Variants in ZNF839 observed in about 807,000 individuals in gnomAD.
ZNF839 encodes the protein zinc finger protein 839.
ZNF839 carries 38 observed loss-of-function variants against 56.4 expected under a neutral mutation model. The ratio of observed to expected loss-of-function variants is 0.67; its 90% confidence interval spans 0.52 to 0.88. The LOEUF (loss-of-function observed/expected upper bound fraction) is 0.88, where lower values mean the gene tolerates loss of function less well. Ranked by LOEUF, ZNF839 falls within the 40% of genes least tolerant of loss-of-function variation. The pLI, the probability that ZNF839 is intolerant of heterozygous loss-of-function variation, is 0.00. For synonymous variants in ZNF839, 486 were observed against 493.5 expected (o/e 0.98, Z 0.20); for missense variants, 1,091 against 1,177.6 (o/e 0.93, Z 1.08).
chr14:102,319,487 C>T (rs2073002031), upstream of ZNF839: 1 of 300,152 alleles, frequency 3.3e-6, no homozygotes, highest in Admixed American at 5.2e-5. The surrounding 1 kb of genome is among the most constrained non-coding windows in gnomAD (Gnocchi z 4.5). Context: ...GAAGACCTCC[C>T]CCTGGGAGAT....
chr14:102,333,311 C>T (rs547579971), intron 3 of ZNF839, among the ~76,000 whole-genome samples: 17 of 146,964 alleles, frequency 1.2e-4, no homozygotes, highest in African/African-American at 4.1e-4. Flanking sequence ...CACCCAGGAG[C>T]GTAGTGGCTC....
At chr14:102,321,593 T>G in intron 1 of ZNF839, among the ~76,000 whole-genome samples, 1 of 152,236 alleles carries the variant, frequency 6.6e-6, no homozygotes, top group East Asian at 1.9e-4. Context: ...AGCTGTGTCA[T>G]GGAGGCCACA....
rs771823198 is a variant in ZNF839, at chr14:102,338,930, A to G, written c.1774A>G (p.Ser592Gly). Residue 592 changes from serine (S) to glycine (G), a missense_variant, in exon 6 of 8, where the codon AGC (serine) becomes GGC (glycine). This residue lies in a region of ZNF839 where 431 missense variants were observed against 468.0 expected (regional missense o/e 0.92). Coordinates refer to ENST00000442396, the MANE Select transcript of ZNF839 (RefSeq NM_018335.6). ...GGATGGGGAGCAGCTAGAGGGAGCT[A>G]GCAGCGAGAAGAGGGAACGTGAGGT... ...DMDGEQLEGASSEKREREAAE... is the reference protein window; with the variant it reads ...DMDGEQLEGAGSEKREREAAE... The G allele has an allele frequency of 6.8e-6, 11 of 1,614,020 alleles. No individual in the cohort carries two copies. Among genetic ancestry groups the G allele is most frequent in the Non-Finnish European group, 9.3e-6 (11 of 1,179,892 alleles).
In ZNF839 at chr14:102,338,890, C is replaced by T. The variant is rs1187248547; in HGVS notation, c.1734C>T (p.His578=). 7 of 1,613,966 alleles carry T rather than the reference C, an allele frequency of 4.3e-6. No homozygotes were observed. In the East Asian group the frequency reaches 1.6e-4, roughly 36 times the overall value. ...ACCCAGACAACCTTGGACCCAAGCA[C>T]CTCAGCCGAGACATGGATGGGGAGC... ...EIHPDNLGPK[H]LSRDMDGEQL... The change falls in exon 6 of 8, where the codon CAC becomes CAT. Residue 578 remains histidine, a synonymous_variant. Transcript: ENST00000442396.
Position 102,342,005 on chromosome 14 carries a change from G to A in ZNF839, c.2610G>A (p.Met870Ile). Residue 870 changes from methionine (M) to isoleucine (I), a missense_variant, in exon 8 of 8, where the codon ATG (methionine) becomes ATA (isoleucine). Coordinates refer to ENST00000442396, the MANE Select transcript of ZNF839 (RefSeq NM_018335.6). Reference sequence around the variant, plus strand: ...GCGTGGTTGCTGTCGGCGAAGCCATGGCTTTTGAAATTTCCAATGGGAGCC... The same window carrying A: ...GCGTGGTTGCTGTCGGCGAAGCCATAGCTTTTGAAATTTCCAATGGGAGCC... ...LESVVAVGEA[M>I]AFEISNGSHE... The A allele has an allele frequency of 1.2e-6, 2 of 1,614,008 alleles. No individual in the cohort carries two copies. Among genetic ancestry groups the A allele is most frequent in the Non-Finnish European group, 1.7e-6 (2 of 1,179,866 alleles).
intron 1 of ZNF839, among the ~76,000 whole-genome samples, chr14:102,322,935 C>T (rs557001586): frequency 2.0e-5 from 3 of 152,330 alleles, no homozygotes; most frequent in Non-Finnish European, 2.9e-5. Flanking sequence ...GCCCAGGAGT[C>T]GGGGACTCCC....
At chr14:102,319,570 G>C (rs895983445), upstream of ZNF839, 8 of 625,920 alleles carry the variant, frequency 1.3e-5, no homozygotes, top group Admixed American at 4.5e-5. This position sits in a 1 kb window ranked among gnomAD's most constrained non-coding sequence, Gnocchi z 4.5. Flanking sequence ...AGGGGGGTCC[G>C]CTCTGCTGAT....
intron 1 of ZNF839, among the ~76,000 whole-genome samples, chr14:102,322,877 C>T (rs1168685813): frequency 6.6e-6 from 1 of 152,210 alleles, no homozygotes; most frequent in Non-Finnish European, 1.5e-5. Context: ...AGATGGGGTT[C>T]TTGAAGGATA....
chr14:102,332,905 C>T lies in ZNF839; in HGVS notation c.1416+1059C>T, dbSNP rs534948892. On this transcript the variant is annotated intron_variant, in intron 3 of 7. Transcript: ENST00000442396. This position sits in a 1 kb window ranked among gnomAD's most constrained non-coding sequence, Gnocchi z 4.9. ...AGCCTGGGGGACAAGAACGAGACTT[C>T]GTCTCAAAAACAAAAACAAAAACAA... Among the ~76,000 whole-genome samples the T allele has an allele frequency of 6.6e-6, 1 of 152,066 alleles. No individual in the cohort carries two copies. Among genetic ancestry groups the T allele is most frequent in the Admixed American group, 6.5e-5 (1 of 15,272 alleles).
At chr14:102,330,492 C>T (rs924705458) in intron 2 of ZNF839, among the ~76,000 whole-genome samples, 4 of 150,944 alleles carry the variant, frequency 2.6e-5, no homozygotes, top group East Asian at 1.9e-4. Context: ...CCTCAGTCCC[C>T]GAAAGTGCTG....
chr14:102,332,442 A>G lies in ZNF839; in HGVS notation c.1416+596A>G, dbSNP rs192883747. On this transcript the variant is annotated intron_variant, in intron 3 of 7. Coordinates refer to ENST00000442396, the MANE Select transcript of ZNF839 (RefSeq NM_018335.6). The surrounding 1 kb of genome is among the most constrained non-coding windows in gnomAD (Gnocchi z 4.9). ...GCCACCATGCCCGGCCTTCAGAACCATTCTTGACTTACAGATGATAATTTC... is the reference window on the plus strand; with the variant it reads ...GCCACCATGCCCGGCCTTCAGAACCGTTCTTGACTTACAGATGATAATTTC... Among the ~76,000 whole-genome samples, 2 of 152,080 alleles carry G rather than the reference A, an allele frequency of 1.3e-5. No individual in the cohort carries two copies. Among genetic ancestry groups the G allele is most frequent in the East Asian group, 3.9e-4 (2 of 5,134 alleles).
At chr14:102,336,703 C>A in intron 5 of ZNF839, 1 of 402,084 alleles carries the variant, frequency 2.5e-6, no homozygotes, top group Admixed American at 3.5e-5. Context: ...CACTGATGAT[C>A]AGAGTTAAAA....
intron 2 of ZNF839, among the ~76,000 whole-genome samples, chr14:102,327,788 C>T (rs2073497329): frequency 6.6e-6 from 1 of 152,150 alleles, no homozygotes; most frequent in Admixed American, 6.6e-5. Flanking sequence ...TGTGTGTCTT[C>T]TGTGTGCTAG....
intron 4 of ZNF839, 153 bp from the exon 5 acceptor site, chr14:102,335,536 C>T: frequency 1.4e-6 from 1 of 719,348 alleles, no homozygotes; most frequent in Non-Finnish European, 2.2e-6. Flanking sequence ...ATGCGGGGCA[C>T]ACAGTAGGTG....
chr14:102,331,659 C>T lies in ZNF839; in HGVS notation c.1229C>T (p.Ser410Phe), dbSNP rs2073787788. 3.1e-6 allele frequency: 5 copies of T among 1,612,760 alleles called. No individual in the cohort carries two copies. The highest frequency in any genetic ancestry group is 1.1e-5 in the South Asian group (1 of 90,740). Residue 410 changes from serine to phenylalanine, a missense_variant, in exon 3 of 8, where the codon TCT becomes TTT. By Grantham distance (155) the Ser-to-Phe change is radical. Transcript: ENST00000442396. ...QSVDVEETLP[S>F]EPENGALLRS... ...GTAGACGTTGAAGAGACATTGCCAT[C>T]TGAACCAGAAAATGGAGCTCTTTTG...
intron 1 of ZNF839, among the ~76,000 whole-genome samples, chr14:102,321,572 C>T (rs569895916): frequency 6.6e-6 from 1 of 152,356 alleles, no homozygotes; most frequent in South Asian, 2.1e-4. Flanking sequence ...TTTTAATACT[C>T]TTTCAGCCCC....
chr14:102,319,622 C>CT, upstream of ZNF839: 3 of 1,171,598 alleles, frequency 2.6e-6, no homozygotes. This position sits in a 1 kb window ranked among gnomAD's most constrained non-coding sequence, Gnocchi z 4.5. Flanking sequence ...GGGCGGGGCA[C>CT]TCCACGACTT....
At position 102,328,375 on chromosome 14, in the gene ZNF839, A is replaced by AATATATATATATAT. The variant is rs71116898; in HGVS notation, c.1191+1511_1191+1524dup. ...ATCTCAAAAAAAAAAAAAAAAAAAAAATATATATATATATATATATATATA... is the reference window on the plus strand; with the variant it reads ...ATCTCAAAAAAAAAAAAAAAAAAAAAATATATATATATATATATATATATATATATATATATATA... On this transcript the variant is annotated intron_variant, in intron 2 of 7. Coordinates refer to ENST00000442396, the MANE Select transcript of ZNF839 (RefSeq NM_018335.6). 4.5e-3 allele frequency among the ~76,000 whole-genome samples: 73 copies of AATATATATATATAT among 16,318 alleles called. 3 individuals are homozygous for AATATATATATATAT. Among genetic ancestry groups the AATATATATATATAT allele is most frequent in the Non-Finnish European group, 6.7e-3 (49 of 7,332 alleles). The allele number at this position is 16,318 out of a possible 152,430, so 10.7% of individuals were successfully genotyped here. A position where few individuals can be genotyped will look rare whatever the true frequency, so the allele number is the denominator to read the frequency against.
At chr14:102,331,999 C>T (rs186546136) in intron 3 of ZNF839, among the ~76,000 whole-genome samples, 153 bp downstream of exon 3, 14 of 152,196 alleles carry the variant, frequency 9.2e-5, no homozygotes, top group Non-Finnish European at 1.6e-4. Context: ...TGAACTAATT[C>T]GTACTCTTAC....
Sources: gnomAD v4.1 joint callset for allele counts (sites outside exome capture counted in the v4.1 genomes callset) on GRCh38, gnomAD v4.1.1 for gene constraint, gnomAD v4.1.1 regional missense constraint, Gnocchi (gnomAD v3.1) non-coding constraint, MANE v1.5 for transcripts, NCBI Gene and HGNC (gene_info 2026-07-23, HGNC 2026-07-21) for gene names.